The following TACC3 variants were observed in gnomAD, a reference collection of about 807,000 sequenced individuals.
The protein encoded by TACC3 is transforming acidic coiled-coil containing protein 3, also known as transforming acidic coiled-coil-containing protein 3.
A neutral mutation model predicts 86.0 loss-of-function variants in TACC3; 52 were observed. That is an observed-to-expected ratio of 0.60 (90% CI 0.48 to 0.76). The LOEUF (loss-of-function observed/expected upper bound fraction) is 0.76. Among genes scored for constraint, TACC3 ranks in the 30% least tolerant of loss-of-function variants. The pLI, the probability that TACC3 is intolerant of heterozygous loss-of-function variation, is 0.00. For missense variants in TACC3, 1,120 were observed against 1,070.4 expected (o/e 1.05, Z -0.65); for synonymous variants, 512 against 430.0 (o/e 1.19, Z -2.36).
chr4:1,723,548 A>T lies in TACC3; in HGVS notation c.127A>T (p.Asn43Tyr). 5 of 1,613,702 alleles carry T rather than the reference A, an allele frequency of 3.1e-6. No individual in the cohort carries two copies. The highest frequency in any genetic ancestry group is 4.2e-6 in the Non-Finnish European group (5 of 1,179,940). Residue 43 changes from asparagine to tyrosine, a missense_variant, in exon 2 of 16, where the codon AAT (asparagine) becomes TAT (tyrosine). By Grantham distance (143) the Asn-to-Tyr change is moderately radical. Coordinates refer to ENST00000313288, the MANE Select transcript of TACC3 (RefSeq NM_006342.3). ...TGTTCTTCGTGTGTCACAGAAAGAA[A>T]ATGTGCCACCCAAGAACCTGGCCAA... ...SSVLRVSQKE[N>Y]VPPKNLAKAM...
intron 8 of TACC3, among the ~76,000 whole-genome samples, chr4:1,736,804 G>C (rs969889206): frequency 6.6e-6 from 1 of 152,182 alleles, no homozygotes; most frequent in Non-Finnish European, 1.5e-5. Flanking sequence ...CAGCTACTTG[G>C]GTTGCTGAAG....
rs1335543482 is a variant in TACC3, at chr4:1,735,257, G to T, written c.1592-16G>T. 6.2e-7 allele frequency: 1 copy of T among 1,613,870 alleles called. No homozygotes were observed. Among genetic ancestry groups the T allele is most frequent in the East Asian group, 2.2e-5 (1 of 44,880 alleles). Reference sequence around the variant, plus strand: ...TGGTGAGGGGCGATGGCGGCGGCATGATTCACTCCTCTCAGTTCTAGGCAC... The same window carrying T: ...TGGTGAGGGGCGATGGCGGCGGCATTATTCACTCCTCTCAGTTCTAGGCAC... On this transcript the variant is annotated splice_polypyrimidine_tract_variant and intron_variant, in intron 6 of 15. Coordinates refer to ENST00000313288, the MANE Select transcript of TACC3 (RefSeq NM_006342.3). This position sits in a 1 kb window ranked among gnomAD's most constrained non-coding sequence, Gnocchi z 4.2.
At chr4:1,736,468 C>CT (rs1007325620) in intron 8 of TACC3, among the ~76,000 whole-genome samples, 1 of 143,460 alleles carries the variant, frequency 7.0e-6, no homozygotes, top group African/African-American at 2.6e-5. Flanking sequence ...GGTCAGCAAA[C>CT]TATCACCTGT....
At chr4:1,731,823 C>T (rs6827250) in intron 6 of TACC3, among the ~76,000 whole-genome samples, 1 of 152,182 alleles carries the variant, frequency 6.6e-6, no homozygotes, top group Non-Finnish European at 1.5e-5. Flanking sequence ...TTAGTGGCAA[C>T]GGGGTTTCAC....
rs560489902 is a variant in TACC3, at chr4:1,745,159, C to G, written c.*146C>G. Reference sequence around the variant, plus strand: ...GAAAACATGACTCAATAAAAGTTTCCTTTCAATTTAAACACTGAAGCCGCT... The same window carrying G: ...GAAAACATGACTCAATAAAAGTTTCGTTTCAATTTAAACACTGAAGCCGCT... On this transcript the variant is annotated 3_prime_UTR_variant, in exon 16 of 16. Coordinates refer to ENST00000313288, the MANE Select transcript of TACC3 (RefSeq NM_006342.3). 3.2e-6 allele frequency: 3 copies of G among 926,052 alleles called. No homozygotes were observed. Among genetic ancestry groups the G allele is most frequent in the African/African-American group, 3.3e-5 (2 of 59,916 alleles). The allele number at this position is 926,052 out of a possible 1,614,324, so 57.4% of individuals were successfully genotyped here.
At chr4:1,730,462 C>T (rs1577212759) in intron 4 of TACC3, 18 of 329,010 alleles carry the variant, frequency 5.5e-5, no homozygotes, top group Middle Eastern at 1.1e-3. Flanking sequence ...TATAACTATT[C>T]TTATTCTGTA....
At chr4:1,744,206 C>T (rs974272232) in intron 13 of TACC3, among the ~76,000 whole-genome samples, 2 of 152,206 alleles carry the variant, frequency 1.3e-5, no homozygotes, top group Admixed American at 6.5e-5. Context: ...TCAGTGGTCC[C>T]AGGTGCATCC....
intron 1 of TACC3, 49 bp downstream of exon 1, chr4:1,721,692 G>A (rs2108678427): frequency 6.6e-6 from 1 of 151,612 alleles, no homozygotes; most frequent in East Asian, 2.0e-4. Flanking sequence ...CTGGGGGCGC[G>A]AGGCCGTCCC....
At position 1,744,788 on chromosome 4, in the gene TACC3, G is replaced by A. The variant is rs1340429997; in HGVS notation, c.2407G>A (p.Glu803Lys). 5.6e-6 allele frequency: 9 copies of A among 1,612,894 alleles called. No homozygotes were observed. The highest frequency in any genetic ancestry group is 1.7e-4 in the Middle Eastern group (1 of 6,058). The change falls in exon 15 of 16, where the codon GAG becomes AAG. Residue 803 changes from glutamate (E) to lysine (K), a missense_variant. Glu to Lys is a moderately conservative substitution (Grantham distance 56). Coordinates refer to ENST00000313288, the MANE Select transcript of TACC3 (RefSeq NM_006342.3). The part of the protein sequence containing the change: ...ALALQASLRK[E>K]QMRIQSLEKT... ...GGCCCTCCAGGCCAGCCTGAGGAAGGAGCAGATGCGCATCCAGTCGCTGGA... is the reference window on the plus strand; with the variant it reads ...GGCCCTCCAGGCCAGCCTGAGGAAGAAGCAGATGCGCATCCAGTCGCTGGA...
chr4:1,744,474 AGCAGACG>A, intron 13 of TACC3, 37 bp from the exon 14 acceptor site: 1 of 1,576,398 alleles, frequency 6.3e-7, no homozygotes, highest in Admixed American at 1.7e-5. Context: ...GGTGCTCTCC[AGCAGACG>A]GCGTGGTACC....
At chr4:1,744,917 A>T (rs767233198) in intron 15 of TACC3, 31 bp from the exon 16 acceptor site, 17 of 1,611,420 alleles carry the variant, frequency 1.1e-5, no homozygotes, top group Non-Finnish European at 8.5e-7. Context: ...CCAAGCAGGG[A>T]GAAGCCCCGC....
Position 1,728,057 on chromosome 4 carries a change from G to A in TACC3, c.655G>A (p.Gly219Arg), listed in dbSNP as rs1017875503. Residue 219 changes from glycine (G) to arginine (R), a missense_variant, in exon 4 of 16, where the codon GGA becomes AGA. Physicochemically the swap from Gly to Arg is moderately radical, Grantham distance 125. Transcript: ENST00000313288. ...ESQHKAETPHGAEEECKAETP... is the reference protein window; with the variant it reads ...ESQHKAETPHRAEEECKAETP... ...CCAGCACAAAGCGGAGACTCCGCACGGAGCCGAGGAAGAATGCAAAGCGGA... is the reference window on the plus strand; with the variant it reads ...CCAGCACAAAGCGGAGACTCCGCACAGAGCCGAGGAAGAATGCAAAGCGGA... 15 of 1,542,340 alleles carry A rather than the reference G, an allele frequency of 9.7e-6. No homozygotes were observed. The highest frequency in any genetic ancestry group is 3.5e-4 in the Middle Eastern group (2 of 5,678).
chr4:1,737,450 C>A, intron 9 of TACC3, 122 bp downstream of exon 9: 1 of 1,146,250 alleles, frequency 8.7e-7, no homozygotes, highest in Non-Finnish European at 1.3e-6. Flanking sequence ...GGCATGGGGC[C>A]GCTGTGCTGT....
rs764222832 is a variant in TACC3, at chr4:1,744,719, G to C, written c.2338G>C (p.Glu780Gln). The change falls in exon 15 of 16, where the codon GAG becomes CAG. Residue 780 changes from glutamate (E) to glutamine (Q), a missense_variant. Physicochemically the swap from Glu to Gln is conservative, Grantham distance 29 (BLOSUM62 2). Coordinates refer to ENST00000313288, the MANE Select transcript of TACC3 (RefSeq NM_006342.3). ...CCGCCCCTACCCCTCCAGGGCAAACGAGGAGATCGCCCAGGTCCGGAGCAA... is the reference window on the plus strand; with the variant it reads ...CCGCCCCTACCCCTCCAGGGCAAACCAGGAGATCGCCCAGGTCCGGAGCAA... The part of the protein sequence containing the change: ...HAEEKLQLAN[E>Q]EIAQVRSKAQ... 1.2e-6 allele frequency: 2 copies of C among 1,612,494 alleles called. No individual in the cohort carries two copies. The highest frequency in any genetic ancestry group is 1.7e-6 in the Non-Finnish European group (2 of 1,179,880).
rs28654168 is a variant in TACC3, at chr4:1,737,627, G to T, written c.1866G>T (p.Ala622=). The stretch of plus-strand genomic sequence containing the variant: ...CAGGCCCACCCCCAGGTGTTCCCGC[G>T]CCTGGGGGCCCACCCCTGTCCACCG... ...PVPGPPPGVP[A]PGGPPLSTGP... Residue 622 remains alanine (A), a synonymous_variant, in exon 10 of 16, where the codon GCG becomes GCT. Coordinates refer to ENST00000313288, the MANE Select transcript of TACC3 (RefSeq NM_006342.3). 6.5e-7 allele frequency: 1 copy of T among 1,530,562 alleles called. No homozygotes were observed. The highest frequency in any genetic ancestry group is 1.2e-5 in the South Asian group (1 of 81,934). The allele number at this position is 1,530,562 out of a possible 1,614,324, so 94.8% of individuals were successfully genotyped here.
chr4:1,744,346 G>A, intron 13 of TACC3, 172 bp from the exon 14 acceptor site: 1 of 622,992 alleles, frequency 1.6e-6, no homozygotes, highest in Non-Finnish European at 2.8e-6. Context: ...CCTCCAGAGG[G>A]GGTGAGCTGG....
chr4:1,726,322 C>A (rs894910718), intron 3 of TACC3, among the ~76,000 whole-genome samples: 2 of 152,222 alleles, frequency 1.3e-5, no homozygotes, highest in Non-Finnish European at 2.9e-5. Flanking sequence ...GCACCTCAGC[C>A]CTGCCCTTCA....
At chr4:1,730,009 A>G (rs1717920576) in intron 4 of TACC3, among the ~76,000 whole-genome samples, 1 of 151,844 alleles carries the variant, frequency 6.6e-6, no homozygotes, top group Non-Finnish European at 1.5e-5. Context: ...TCCTATCTCT[A>G]TATGGCCTGG....
chr4:1,720,957 T>G (rs1285555346), upstream of TACC3: 7 of 663,800 alleles, frequency 1.1e-5, no homozygotes, highest in Non-Finnish European at 1.5e-5. The surrounding 1 kb of genome is among the most constrained non-coding windows in gnomAD (Gnocchi z 4.4). Flanking sequence ...CGCGGGGCAC[T>G]CTAGGACATG....
Sources: allele counts gnomAD v4.1 joint callset (sites outside exome capture counted in the v4.1 genomes callset), GRCh38; gene constraint gnomAD v4.1.1; non-coding constraint Gnocchi (gnomAD v3.1); transcripts MANE v1.5; gene names NCBI Gene and HGNC (gene_info 2026-07-23, HGNC 2026-07-21).